The following CPNE8 variants were observed in gnomAD, a reference collection of about 807,000 sequenced individuals.
CPNE8 encodes the protein copine 8.
A neutral mutation model predicts 81.5 loss-of-function variants in CPNE8; 45 were observed. The observed-to-expected ratio is 0.55, with a 90% confidence interval of 0.44 to 0.71. The LOEUF is 0.71. CPNE8 is among the 30% of genes least tolerant of loss of function. The pLI is 0.00. For missense variants in CPNE8, 594 were observed against 672.1 expected, an observed-to-expected ratio of 0.88 and a Z score of 1.28; for synonymous variants, 252 against 226.3, an observed-to-expected ratio of 1.11 and a Z score of -1.02.
At chr12:38,849,456 A>G (rs774307522) in intron 3 of CPNE8, among the ~76,000 whole-genome samples, 4 of 152,204 alleles carry the variant, frequency 2.6e-5, no homozygotes, top group Non-Finnish European at 5.9e-5. Flanking sequence ...TTTTAACTTC[A>G]GTTCTGAGCA....
At chr12:38,794,567 T>C (rs1233877453) in intron 6 of CPNE8, among the ~76,000 whole-genome samples, 4 of 151,562 alleles carry the variant, frequency 2.6e-5, no homozygotes, top group East Asian at 1.9e-4. Context: ...ACATGACTAA[T>C]CATTAAGAAA....
chr12:38,868,017 C>T (rs1943940065), intron 3 of CPNE8, among the ~76,000 whole-genome samples: 2 of 152,060 alleles, frequency 1.3e-5, no homozygotes, highest in Middle Eastern at 3.4e-3. Context: ...CATTTTTAAG[C>T]TTTATTTTTT....
chr12:38,697,576 C>T (rs1297000892), intron 14 of CPNE8, among the ~76,000 whole-genome samples: 1 of 152,058 alleles, frequency 6.6e-6, no homozygotes, highest in Admixed American at 6.6e-5. Flanking sequence ...AGGAACTTAG[C>T]AAAGTGTTTT....
intron 15 of CPNE8, among the ~76,000 whole-genome samples, chr12:38,693,023 A>G (rs189382672): frequency 4.5e-4 from 68 of 152,316 alleles, no homozygotes; most frequent in East Asian, 3.7e-3. Flanking sequence ...GAAGCCCTCC[A>G]TAACTACAGA....
chr12:38,779,899 G>A (rs926844927), intron 6 of CPNE8, among the ~76,000 whole-genome samples: 2 of 151,960 alleles, frequency 1.3e-5, no homozygotes, highest in Non-Finnish European at 1.5e-5. Context: ...ATGGACATAT[G>A]GATAACTAGC....
intron 14 of CPNE8, among the ~76,000 whole-genome samples, chr12:38,700,724 G>A (rs1245827813): frequency 1.3e-5 from 2 of 152,100 alleles, no homozygotes; most frequent in Non-Finnish European, 2.9e-5. Context: ...ATTCCCATGT[G>A]CCATGGGAGA....
chr12:38,704,381 C>CGT lies in CPNE8; in HGVS notation c.915-1462_915-1461dup, dbSNP rs149631105. Among the ~76,000 whole-genome samples the CGT allele has an allele frequency of 1.9e-3, 289 of 150,372 alleles. 2 individuals carry two copies. The highest frequency in any genetic ancestry group is 5.6e-3 in the African/African-American group (231 of 41,096). On this transcript the variant is annotated intron_variant, in intron 13 of 19. Coordinates refer to ENST00000331366, the MANE Select transcript of CPNE8 (RefSeq NM_153634.3). ...GTGTTTGTGTGTATATGTATGTGTGCGTGTGTGTGTGTGTGTATTTACAGA... is the reference window on the plus strand; with the variant it reads ...GTGTTTGTGTGTATATGTATGTGTGCGTGTGTGTGTGTGTGTGTATTTACAGA...
At chr12:38,824,028 C>T (rs10160990) in intron 6 of CPNE8, among the ~76,000 whole-genome samples, 1 of 152,020 alleles carries the variant, frequency 6.6e-6, no homozygotes, top group Non-Finnish European at 1.5e-5. Flanking sequence ...CCAGGAAAAG[C>T]CCAAAAGTGT....
intron 18 of CPNE8, among the ~76,000 whole-genome samples, chr12:38,675,254 G>A (rs181886820): frequency 2.6e-5 from 4 of 152,226 alleles, no homozygotes; most frequent in East Asian, 3.9e-4. Context: ...ACTAGCTAGA[G>A]CCCGAAAACC....
chr12:38,743,433 A>G (rs940561008), intron 10 of CPNE8, among the ~76,000 whole-genome samples: 16 of 152,266 alleles, frequency 1.1e-4, no homozygotes, highest in Admixed American at 8.5e-4. Context: ...GGTTAAAACT[A>G]TAATGCAAAA....
At chr12:38,728,560 AAAAC>A (rs1332902284) in intron 11 of CPNE8, among the ~76,000 whole-genome samples, 5 of 152,214 alleles carry the variant, frequency 3.3e-5, no homozygotes, top group African/African-American at 1.2e-4. Flanking sequence ...CAAAAAAAGA[AAAAC>A]AAAACAAAAC....
chr12:38,691,124 G>A (rs1939666077), intron 15 of CPNE8, among the ~76,000 whole-genome samples: 1 of 152,104 alleles, frequency 6.6e-6, no homozygotes, highest in Non-Finnish European at 1.5e-5. Context: ...ATATATCATG[G>A]TGTTAATATA....
At chr12:38,659,492 A>C (rs1055739119) in intron 19 of CPNE8, among the ~76,000 whole-genome samples, 2 of 152,006 alleles carry the variant, frequency 1.3e-5, no homozygotes, top group Non-Finnish European at 2.9e-5. Flanking sequence ...ACAGATCGAC[A>C]AGACAGGTTA....
intron 10 of CPNE8, among the ~76,000 whole-genome samples, chr12:38,750,294 T>A (rs1338881283): frequency 6.6e-6 from 1 of 152,158 alleles, no homozygotes; most frequent in African/African-American, 2.4e-5. Context: ...GGGGCCCTCA[T>A]GGAGAACCTC....
At chr12:38,836,170 AT>A (rs2137034948) in intron 5 of CPNE8, among the ~76,000 whole-genome samples, 1 of 152,252 alleles carries the variant, frequency 6.6e-6, no homozygotes, top group South Asian at 2.1e-4. Flanking sequence ...AAAATGCCAT[AT>A]TTTGTTCACA....
intron 6 of CPNE8, among the ~76,000 whole-genome samples, chr12:38,809,513 G>T (rs1411598694): frequency 2.6e-5 from 4 of 152,176 alleles, no homozygotes; most frequent in Non-Finnish European, 5.9e-5. Flanking sequence ...CATCTGCAAA[G>T]TTCCTTTTGC....
intron 4 of CPNE8, among the ~76,000 whole-genome samples, chr12:38,846,384 T>C (rs1001566666): frequency 5.3e-5 from 8 of 152,152 alleles, no homozygotes; most frequent in African/African-American, 1.9e-4. Context: ...GGGAGTTTTA[T>C]TAGAAAGAGA....
chr12:38,701,675 G>A (rs972770129), intron 14 of CPNE8, among the ~76,000 whole-genome samples: 2 of 151,896 alleles, frequency 1.3e-5, no homozygotes, highest in African/African-American at 2.4e-5. Context: ...TGCATTTTTA[G>A]TAGAGATGGG....
chr12:38,654,894 G>A (rs1391493460), intron 19 of CPNE8, among the ~76,000 whole-genome samples: 8 of 152,206 alleles, frequency 5.3e-5, no homozygotes, highest in Admixed American at 4.6e-4. Flanking sequence ...ACACATTAAA[G>A]TATTTTAATT....
Sources: gnomAD v4.1 joint callset for allele counts (sites outside exome capture counted in the v4.1 genomes callset) on GRCh38, gnomAD v4.1.1 for gene constraint, MANE v1.5 for transcripts, NCBI Gene and HGNC (gene_info 2026-07-23, HGNC 2026-07-21) for gene names.